CDHR2: variants seen among roughly 807,000 people sequenced by gnomAD.
The protein encoded by CDHR2 is cadherin related family member 2.
A neutral mutation model predicts 138.6 loss-of-function variants in CDHR2; 104 were observed. The observed-to-expected ratio is 0.75, with a 90% CI of 0.64 to 0.88. The LOEUF (loss-of-function observed/expected upper bound fraction) is 0.88. CDHR2 is among the 40% of genes least tolerant of loss of function. CDHR2 has a pLI of 0.00. For synonymous variants in CDHR2, 755 were observed against 742.8 expected (o/e 1.02, Z -0.27); for missense variants, 1,624 against 1,727.6 (o/e 0.94, Z 1.06).
At chr5:176,586,128 G>A in intron 20 of CDHR2, 103 bp downstream of exon 20, 1 of 842,394 alleles carries the variant, frequency 1.2e-6, no homozygotes. Flanking sequence ...CCTTTAGAAA[G>A]GGGGGAAGGC....
At position 176,584,965 on chromosome 5, in the gene CDHR2, G is replaced by C. The variant is rs141336153; in HGVS notation, c.2684G>C (p.Arg895Pro). The change falls in exon 19 of 32, where the codon CGG (arginine) becomes CCG (proline). Residue 895 changes from arginine (R) to proline (P), a missense_variant. By Grantham distance (103) the Arg-to-Pro change is moderately radical (BLOSUM62 -2). Transcript: ENST00000261944. ...EACDLVTLVV[R>P]ACDLATDPGF... ...TGTGACCTGGTCACGCTGGTTGTGCGGGCCTGTGACCTAGCCACGGACCCC... is the reference window on the plus strand; with the variant it reads ...TGTGACCTGGTCACGCTGGTTGTGCCGGCCTGTGACCTAGCCACGGACCCC... 6.4e-7 allele frequency: 1 copy of C among 1,565,116 alleles called. No homozygotes were observed. Among genetic ancestry groups the C allele is most frequent in the Non-Finnish European group, 8.7e-7 (1 of 1,154,108 alleles).
At chr5:176,557,000 TTCTCTCTC>T (rs376971919) in intron 1 of CDHR2, among the ~76,000 whole-genome samples, 2 of 107,876 alleles carry the variant, frequency 1.9e-5, no homozygotes, top group South Asian at 7.5e-4. Flanking sequence ...CCTTCCTTCT[TTCTCTCTC>T]TCTCTCTCTT....
rs1170517419 is a variant in CDHR2 at position 176,553,642 on chromosome 5, C to CT, written c.-16+4229dup. ...TGCCTGGGCTGGACGCATCCAGCCC[C>CT]TGGCTGTTCCTTACACAATGGACAC... On this transcript the variant is annotated intron_variant, in intron 1 of 31. Coordinates refer to ENST00000261944, the MANE Select transcript of CDHR2 (RefSeq NM_017675.6). The surrounding 1 kb of genome is among the most constrained non-coding windows in gnomAD (Gnocchi z 4.3). Among the ~76,000 whole-genome samples, 1 of 152,134 alleles carries CT rather than the reference C, an allele frequency of 6.6e-6. No individual in the cohort carries two copies. The highest frequency in any genetic ancestry group is 2.4e-5 in the African/African-American group (1 of 41,416).
Position 176,581,451 on chromosome 5 carries a change from A to C in CDHR2, c.1927A>C (p.Arg643=). The C allele has an allele frequency of 1.9e-6, 3 of 1,614,192 alleles. No homozygotes were observed. Among genetic ancestry groups the C allele is most frequent in the Non-Finnish European group, 2.5e-6 (3 of 1,180,042 alleles). ...FSLDPDTGLL[R]NLGPLDREAI... ...CTTGGACCCTGACACAGGGCTCCTC[A>C]GAAACCTGGGGCCCCTGGACAGAGA... The change falls in exon 17 of 32, where the codon AGA becomes CGA. Residue 643 remains arginine, a synonymous_variant. Transcript: ENST00000261944.
At chr5:176,561,407 A>C (rs1350469961) in intron 1 of CDHR2, among the ~76,000 whole-genome samples, 2 of 152,096 alleles carry the variant, frequency 1.3e-5, no homozygotes, top group East Asian at 3.9e-4. Context: ...CTGAGCCTAC[A>C]CTGGGCTCAG....
intron 24 of CDHR2, among the ~76,000 whole-genome samples, 181 bp downstream of exon 24, chr5:176,589,797 C>G (rs1758798260): frequency 6.6e-6 from 1 of 152,188 alleles, no homozygotes; most frequent in Non-Finnish European, 1.5e-5. Context: ...GAAGCCCATA[C>G]CCAGCCAAGG....
upstream of CDHR2, among the ~76,000 whole-genome samples, chr5:176,545,024 G>A (rs1465801729): frequency 6.6e-6 from 1 of 152,222 alleles, no homozygotes; most frequent in Admixed American, 6.5e-5. Context: ...TTCAGGGCAA[G>A]CTAACGCTTG....
At chr5:176,581,237 G>T (rs4867840) in intron 16 of CDHR2, 106 bp from the exon 17 acceptor site, 1,283,790 of 1,448,352 alleles carry the variant, frequency 0.89, 576,821 homozygotes, top group Non-Finnish European at 0.92. Context: ...CAGGCCTGAT[G>T]ACTGCCTGCG....
At chr5:176,554,140 C>T (rs1418243838) in intron 1 of CDHR2, among the ~76,000 whole-genome samples, 2 of 152,192 alleles carry the variant, frequency 1.3e-5, no homozygotes, top group Admixed American at 6.5e-5. Context: ...CTTGGCAAGC[C>T]AGCATTTTCC....
At chr5:176,581,974 G>A (rs553169862) in intron 17 of CDHR2, among the ~76,000 whole-genome samples, 5 of 152,256 alleles carry the variant, frequency 3.3e-5, no homozygotes, top group East Asian at 1.9e-4. Context: ...CAGGGCATCC[G>A]CCAAGGTTGG....
At position 176,578,365 on chromosome 5, in the gene CDHR2, G is replaced by A. The variant is rs1457684822; in HGVS notation, c.1575G>A (p.Gly525=). The change falls in exon 16 of 32, where the codon GGG becomes GGA. Residue 525 remains glycine (G), a splice_region_variant and synonymous_variant. Coordinates refer to ENST00000261944, the MANE Select transcript of CDHR2 (RefSeq NM_017675.6). ...QITYSLLPGN[G]ADLFQVDPVS... is the part of the protein sequence containing the mutation. ...TGCTGAACCTGGCCCCTCTGAGCAG[G>A]GCAGACCTCTTCCAAGTGGATCCCG... The A allele has an allele frequency of 6.2e-6, 10 of 1,611,618 alleles. No individual in the cohort carries two copies. The highest frequency in any genetic ancestry group is 3.3e-5 in the South Asian group (3 of 90,470).
chr5:176,571,080 CAT>C (rs1758217606), intron 5 of CDHR2, 131 bp from the exon 6 acceptor site: 1 of 121,416 alleles, frequency 8.2e-6, no homozygotes, highest in Non-Finnish European at 1.7e-5. Context: ...CCCCCAAAAA[CAT>C]ATGGAGAGAA....
chr5:176,585,096 G>C (rs1011956881), intron 19 of CDHR2, 81 bp downstream of exon 19: 67 of 1,435,880 alleles, frequency 4.7e-5, no homozygotes, highest in African/African-American at 9.9e-5. Context: ...GAACTCACAA[G>C]GTCTGGGCTC....
intron 15 of CDHR2, 115 bp from the exon 16 acceptor site, chr5:176,578,250 A>G: frequency 8.2e-7 from 1 of 1,213,208 alleles, no homozygotes; most frequent in Non-Finnish European, 1.2e-6. Flanking sequence ...GAAATAATGA[A>G]TATGTTGCAT....
Position 176,575,562 on chromosome 5 carries a change from T to C in CDHR2, c.825T>C (p.Pro275=). Residue 275 remains proline, a synonymous_variant, in exon 10 of 32, where the codon CCT becomes CCC. Transcript: ENST00000261944. ...AVDGDKGIND[P]VIYSISYSTR... is the part of the protein sequence containing the mutation. ...ATGGCGACAAAGGCATCAATGACCC[T>C]GTGATCTACAGCATCTCCTGTGAGA... 6.2e-7 allele frequency: 1 copy of C among 1,614,106 alleles called. No homozygotes were observed. The highest frequency in any genetic ancestry group is 8.5e-7 in the Non-Finnish European group (1 of 1,179,990).
rs137864429 is a variant in CDHR2 at position 176,581,718 on chromosome 5, C to CA, written c.2058+138dup. On this transcript the variant is annotated intron_variant, in intron 17 of 31. Coordinates refer to ENST00000261944, the MANE Select transcript of CDHR2 (RefSeq NM_017675.6). The stretch of plus-strand genomic sequence containing the variant: ...TCCCGCTCACTCGTATGGCCCCAGG[C>CA]AATTACTCAACCTCCCTAGGCACTC... The CA allele has an allele frequency of 7.4e-4, 851 of 1,155,344 alleles. 8 individuals carry two copies. In the African/African-American group the frequency reaches 0.012, roughly 16 times the overall value. 71.6% of individuals were successfully genotyped at this position (1,155,344 alleles called of 1,614,324 possible). A position where few individuals can be genotyped will look rare whatever the true frequency, so the allele number is the denominator to read the frequency against.
Position 176,590,434 on chromosome 5 carries a change from G to A in CDHR2, c.3363G>A (p.Arg1121=). 3 of 1,614,070 alleles carry A rather than the reference G, an allele frequency of 1.9e-6. No homozygotes were observed. Among genetic ancestry groups the A allele is most frequent in the Non-Finnish European group, 2.5e-6 (3 of 1,179,978 alleles). Residue 1121 remains arginine (R), a synonymous_variant, in exon 27 of 32, where the codon CGG becomes CGA. Coordinates refer to ENST00000261944, the MANE Select transcript of CDHR2 (RefSeq NM_017675.6). ...LTLDELSVMI[R]NDQDSLTQLL... ...GGAGTTCTGTGGCCAGGATGATCCG[G>A]AATGATCAGGACTCGCTGACGCAGC...
chr5:176,575,260 G>T lies in CDHR2; in HGVS notation c.622-20G>T. 1 of 1,614,146 alleles carries T rather than the reference G, an allele frequency of 6.2e-7. No individual in the cohort carries two copies. The highest frequency in any genetic ancestry group is 8.5e-7 in the Non-Finnish European group (1 of 1,179,996). On this transcript the variant is annotated intron_variant, in intron 8 of 31. Transcript: ENST00000261944. ...CCTAGGACCCACGGCGCTGGCTCAC[G>T]GGTGGCCATCTCCCCGCAGGACTTG...
chr5:176,587,202 C>T (rs567512941), intron 21 of CDHR2, among the ~76,000 whole-genome samples: 55 of 152,174 alleles, frequency 3.6e-4, no homozygotes, highest in Non-Finnish European at 5.0e-4. Flanking sequence ...AATCCCAGCA[C>T]TTTGGGAGGC....
Sources: gnomAD v4.1 joint callset for allele counts (sites outside exome capture counted in the v4.1 genomes callset) on GRCh38, gnomAD v4.1.1 for gene constraint, Gnocchi (gnomAD v3.1) non-coding constraint, MANE v1.5 for transcripts, NCBI Gene and HGNC (gene_info 2026-07-23, HGNC 2026-07-21) for gene names.